RRAGD: variants seen among roughly 807,000 people sequenced by gnomAD.
The protein encoded by RRAGD is Ras related GTP binding D.
In RRAGD, 12 loss-of-function variants were observed where a neutral mutation model predicts 35.5. The observed-to-expected ratio is 0.34, with a 90% confidence interval of 0.22 to 0.55. RRAGD has a LOEUF of 0.55. RRAGD is among the 20% of genes least tolerant of loss of function. The pLI, the probability that RRAGD is intolerant of heterozygous loss-of-function variation, is 0.91. For synonymous variants in RRAGD, 155 were observed against 178.9 expected, an observed-to-expected ratio of 0.87 and a Z score of 1.07; for missense variants, 324 against 490.1, an observed-to-expected ratio of 0.66 and a Z score of 3.20.
In RRAGD at chr6:89,372,527, G is replaced by A. The variant is rs989086073; in HGVS notation, c.961C>T (p.Leu321Phe). 4 of 1,601,030 alleles carry A rather than the reference G, an allele frequency of 2.5e-6. No homozygotes were observed. The African/African-American group carries it at 5.4e-5, about 22-fold the overall frequency. The change falls in exon 6 of 7, where the codon CTT becomes TTT. Residue 321 changes from leucine to phenylalanine, a missense_variant. Physicochemically the swap from Leu to Phe is conservative, Grantham distance 22. This residue lies in a region of RRAGD where 152 missense variants were observed against 296.9 expected (regional missense o/e 0.51). Coordinates refer to ENST00000369415, the MANE Select transcript of RRAGD (RefSeq NM_021244.5). ...YDKESTAIIK[L>F]NNTTVLYLKE... Reference sequence around the variant, plus strand: ...AAATAAAGCACGGTTGTATTATTAAGCTTTATGATGGCTGTGGATTCCTTG... The same window carrying A: ...AAATAAAGCACGGTTGTATTATTAAACTTTATGATGGCTGTGGATTCCTTG...
At chr6:89,386,712 T>C (rs1202311845) in intron 2 of RRAGD, among the ~76,000 whole-genome samples, 1 of 152,066 alleles carries the variant, frequency 6.6e-6, no homozygotes, top group East Asian at 1.9e-4. Flanking sequence ...AAAACAAAAA[T>C]GGAACTGATG....
At chr6:89,384,396 T>G (rs924708349) in intron 2 of RRAGD, among the ~76,000 whole-genome samples, 2 of 152,206 alleles carry the variant, frequency 1.3e-5, no homozygotes, top group African/African-American at 2.4e-5. Flanking sequence ...CAGGTTAGAG[T>G]GCAATGGCAC....
intron 5 of RRAGD, 73 bp from the exon 6 acceptor site, chr6:89,372,658 C>A: frequency 6.9e-7 from 1 of 1,443,636 alleles, no homozygotes; most frequent in Non-Finnish European, 9.2e-7. Context: ...TGACAAGAGA[C>A]CGGCTTTAAG....
intron 5 of RRAGD, among the ~76,000 whole-genome samples, chr6:89,375,557 C>A (rs537709006): frequency 1.3e-5 from 2 of 152,224 alleles, no homozygotes; most frequent in African/African-American, 4.8e-5. Flanking sequence ...ACCAGGTCAC[C>A]TGATTCTAGG....
At position 89,377,883 on chromosome 6, in the gene RRAGD, T is replaced by C. The variant is rs6904589; in HGVS notation, c.760-70A>G. ...CAGACCATGTCATGACTACACAAAA[T>C]TGAATGCCATTCTTAATGTAAAATA... is the stretch of plus-strand genomic sequence containing the variant. On this transcript the variant is annotated intron_variant, in intron 4 of 6. Coordinates refer to ENST00000369415, the MANE Select transcript of RRAGD (RefSeq NM_021244.5). 0.032 allele frequency: 35,106 copies of C among 1,096,844 alleles called. 3,743 individuals are homozygous for C. In the East Asian group the frequency reaches 0.32, roughly 10 times the overall value. The allele number at this position is 1,096,844 out of a possible 1,614,324, so 67.9% of individuals were successfully genotyped here.
intron 5 of RRAGD, among the ~76,000 whole-genome samples, chr6:89,373,346 C>T (rs1045199117): frequency 1.3e-5 from 2 of 152,100 alleles, no homozygotes; most frequent in Admixed American, 1.3e-4. Flanking sequence ...TTTGGCCAGG[C>T]GCAGTGGCTC....
At chr6:89,374,415 A>G (rs1562444614) in intron 5 of RRAGD, among the ~76,000 whole-genome samples, 1 of 152,232 alleles carries the variant, frequency 6.6e-6, no homozygotes, top group Non-Finnish European at 1.5e-5. Flanking sequence ...GAGTATTTTA[A>G]GCTGCCATAT....
chr6:89,386,195 G>A (rs1409228374), intron 2 of RRAGD, among the ~76,000 whole-genome samples: 1 of 152,166 alleles, frequency 6.6e-6, no homozygotes, highest in Non-Finnish European at 1.5e-5. Context: ...CTTCAGGCTG[G>A]GCCATATGTC....
intron 4 of RRAGD, among the ~76,000 whole-genome samples, chr6:89,378,264 T>C (rs189911064): frequency 1.3e-5 from 2 of 151,022 alleles, no homozygotes; most frequent in East Asian, 3.9e-4. Flanking sequence ...ATGGCGCCAT[T>C]GCACTCCAGC....
intron 5 of RRAGD, among the ~76,000 whole-genome samples, chr6:89,376,469 C>T (rs1046246401): frequency 1.3e-5 from 2 of 151,990 alleles, no homozygotes; most frequent in African/African-American, 4.8e-5. Flanking sequence ...AGGTCACAGG[C>T]AGTGAGTAAA....
chr6:89,396,677 C>T (rs970852731), intron 1 of RRAGD, among the ~76,000 whole-genome samples: 38 of 151,594 alleles, frequency 2.5e-4, no homozygotes, highest in Non-Finnish European at 5.0e-4. Context: ...CCTCAGCCTC[C>T]CAAAGTGCTG....
chr6:89,412,137 C>G lies in RRAGD; in HGVS notation c.-144G>C. The G allele has an allele frequency of 1.3e-6, 1 of 776,738 alleles. No individual in the cohort carries two copies. 48.1% of individuals were successfully genotyped at this position (776,738 alleles called of 1,614,324 possible). A position where few individuals can be genotyped will look rare whatever the true frequency, so the allele number is the denominator to read the frequency against. On this transcript the variant is annotated 5_prime_UTR_variant, in exon 1 of 7. Coordinates refer to ENST00000369415, the MANE Select transcript of RRAGD (RefSeq NM_021244.5). The surrounding 1 kb of genome is among the most constrained non-coding windows in gnomAD (Gnocchi z 4.2). ...CCCGGCGGAAGCGGGGGCCGCGCGT[C>G]CCCCGGCGGGCGGCGCCCAGGTCCG... is the stretch of plus-strand genomic sequence containing the variant.
At chr6:89,408,933 T>C (rs959385710) in intron 1 of RRAGD, among the ~76,000 whole-genome samples, 1 of 152,128 alleles carries the variant, frequency 6.6e-6, no homozygotes, top group Non-Finnish European at 1.5e-5. Context: ...AGTGTGGGGA[T>C]TGAAGGTGAG....
chr6:89,372,425 C>T lies in RRAGD; in HGVS notation c.1051+12G>A. ...CTTTTAATGCTTCTTTTAAATCACA[C>T]CAAAAAGTTACCTTTTCTTTCAAAG... On this transcript the variant is annotated intron_variant, in intron 6 of 6. Transcript: ENST00000369415. The T allele has an allele frequency of 6.2e-7, 1 of 1,604,648 alleles. No individual in the cohort carries two copies. The highest frequency in any genetic ancestry group is 1.1e-5 in the South Asian group (1 of 90,150).
intron 6 of RRAGD, among the ~76,000 whole-genome samples, chr6:89,369,477 C>T (rs1241235648): frequency 1.3e-5 from 2 of 152,162 alleles, no homozygotes; most frequent in African/African-American, 4.8e-5. Context: ...ATTTCTGAGG[C>T]AGGGTCTCAC....
At position 89,368,064 on chromosome 6, in the gene RRAGD, G is replaced by C. The variant is rs1380988741; in HGVS notation, c.1195C>G (p.Leu399Val). ...RATPNGTPRVLL is the reference protein window; with the variant it reads ...RATPNGTPRVVL ...CATTCCTGAAACCTCACCTACAGCA[G>C]CACTCTAGGGGTCCCATTAGGGGTG... The change falls in exon 7 of 7, where the codon CTG becomes GTG. Residue 399 changes from leucine (L) to valine (V), a missense_variant. Coordinates refer to ENST00000369415, the MANE Select transcript of RRAGD (RefSeq NM_021244.5). The C allele has an allele frequency of 7.5e-6, 12 of 1,605,168 alleles. No homozygotes were observed. Among genetic ancestry groups the C allele is most frequent in the Non-Finnish European group, 1.0e-5 (12 of 1,176,552 alleles).
intron 1 of RRAGD, among the ~76,000 whole-genome samples, chr6:89,394,645 T>C (rs1769299293): frequency 2.0e-5 from 3 of 152,004 alleles, no homozygotes; most frequent in African/African-American, 4.8e-5. Context: ...AAACAATGAA[T>C]GGTAAAAGAG....
chr6:89,373,132 A>G (rs1391537968), intron 5 of RRAGD, among the ~76,000 whole-genome samples: 7 of 152,214 alleles, frequency 4.6e-5, no homozygotes, highest in Admixed American at 2.6e-4. Flanking sequence ...AACTGGTTCA[A>G]TTTACTCTCA....
chr6:89,369,386 G>C (rs1044632403), intron 6 of RRAGD, among the ~76,000 whole-genome samples: 2 of 152,182 alleles, frequency 1.3e-5, no homozygotes, highest in African/African-American at 4.8e-5. Context: ...GTCTTAAAAA[G>C]CTTAGCTAAA....
Sources: gnomAD v4.1 joint callset for allele counts (sites outside exome capture counted in the v4.1 genomes callset) on GRCh38, gnomAD v4.1.1 for gene constraint, gnomAD v4.1.1 regional missense constraint, Gnocchi (gnomAD v3.1) non-coding constraint, MANE v1.5 for transcripts, NCBI Gene and HGNC (gene_info 2026-07-23, HGNC 2026-07-21) for gene names.